ESR1: variants seen among roughly 807,000 people sequenced by gnomAD.
The protein encoded by ESR1 is estrogen receptor.
In ESR1, 12 loss-of-function variants were observed where a neutral mutation model predicts 52.7. The ratio of observed to expected loss-of-function variants is 0.23; its 90% CI spans 0.15 to 0.37. The LOEUF (loss-of-function observed/expected upper bound fraction) is 0.37, where lower values mean the gene tolerates loss of function less well. Ranked by LOEUF, ESR1 falls within the 10% of genes least tolerant of loss-of-function variation. ESR1 has a pLI of 1.00. For synonymous variants in ESR1, 305 were observed against 316.8 expected (o/e 0.96, Z 0.39); for missense variants, 584 against 779.7 (o/e 0.75, Z 2.99).
upstream of ESR1, among the ~76,000 whole-genome samples, chr6:151,686,500 A>G (rs1465058608): frequency 6.6e-6 from 1 of 152,200 alleles, no homozygotes; most frequent in Non-Finnish European, 1.5e-5. Flanking sequence ...CCCGGCTAAC[A>G]TGGTGAAACC....
intron 4 of ESR1, among the ~76,000 whole-genome samples, chr6:151,980,085 C>A (rs2128669943): frequency 6.6e-6 from 1 of 152,256 alleles, no homozygotes; most frequent in Non-Finnish European, 1.5e-5. Flanking sequence ...CAATGTACTT[C>A]TAGTTGTCAC....
At chr6:152,110,020 C>T in intron 6 of ESR1, among the ~76,000 whole-genome samples, 1 of 152,198 alleles carries the variant, frequency 6.6e-6, no homozygotes, top group African/African-American at 2.4e-5. Flanking sequence ...TTTTACACCA[C>T]TTTTTCAGGT....
chr6:151,700,713 T>C (rs1000073376), intron 1 of ESR1, among the ~76,000 whole-genome samples: 1 of 148,664 alleles, frequency 6.7e-6, no homozygotes, highest in African/African-American at 2.5e-5. Flanking sequence ...GTAAATTAGG[T>C]TCACTGTTGC....
chr6:151,899,050 G>T (rs1305223115), intron 3 of ESR1, among the ~76,000 whole-genome samples: 90 of 134,010 alleles, frequency 6.7e-4, no homozygotes, highest in South Asian at 1.2e-3. Context: ...CCTCCCTCCC[G>T]GACGGGGCGG....
intron 1 of ESR1, among the ~76,000 whole-genome samples, chr6:151,824,868 C>T (rs1415125917): frequency 2.0e-5 from 3 of 151,562 alleles, no homozygotes; most frequent in African/African-American, 7.3e-5. Context: ...TTGCAGTGAG[C>T]CAAGCTTGCA....
chr6:151,781,989 A>T (rs960567203), intron 2 of ESR1, among the ~76,000 whole-genome samples: 2 of 152,238 alleles, frequency 1.3e-5, no homozygotes, highest in African/African-American at 4.8e-5. Flanking sequence ...TAAGGACGAG[A>T]TGCACATGGG....
chr6:151,824,151 A>C (rs994965300), intron 1 of ESR1, among the ~76,000 whole-genome samples: 9 of 152,008 alleles, frequency 5.9e-5, no homozygotes, highest in African/African-American at 2.2e-4. Context: ...CTGACTTTTT[A>C]ATGATTGCCA....
intron 2 of ESR1, among the ~76,000 whole-genome samples, chr6:151,789,969 T>C (rs1246376269): frequency 6.6e-6 from 1 of 152,102 alleles, no homozygotes; most frequent in African/African-American, 2.4e-5. Context: ...TGTGTTTGAG[T>C]CTGGAAGGTG....
Position 151,880,658 on chromosome 6 carries a change from A to G in ESR1, c.647A>G (p.His216Arg), listed in dbSNP as rs768352205. Residue 216 changes from histidine to arginine, a missense_variant, in exon 3 of 8, where the codon CAT becomes CGT. Physicochemically the swap from His to Arg is conservative, Grantham distance 29 (BLOSUM62 0). Around this residue, in one of 6 missense-constraint regions of ESR1, gnomAD observed 25 missense variants for 53.0 expected, o/e 0.47. Transcript: ENST00000206249. ...TCTGTCCTCTTGCTTTTAATAGGAC[A>G]TAACGACTATATGTGTCCAGCCACC... ...KAFFKRSIQG[H>R]NDYMCPATNQ... The G allele has an allele frequency of 1.2e-5, 19 of 1,579,444 alleles. No individual in the cohort carries two copies. Among genetic ancestry groups the G allele is most frequent in the Admixed American group, 1.7e-5 (1 of 59,994 alleles).
At chr6:151,914,579 A>G (rs971204610) in intron 3 of ESR1, among the ~76,000 whole-genome samples, 1 of 152,242 alleles carries the variant, frequency 6.6e-6, no homozygotes, top group African/African-American at 2.4e-5. Context: ...TAGATATTTA[A>G]CAAATCATAC....
chr6:152,064,865 T>C (rs1184006661), intron 6 of ESR1, among the ~76,000 whole-genome samples: 1 of 152,198 alleles, frequency 6.6e-6, no homozygotes, highest in Non-Finnish European at 1.5e-5. Context: ...CATTCTGAAA[T>C]GTATCATGCT....
At chr6:151,819,319 A>G (rs1214077643) in intron 1 of ESR1, among the ~76,000 whole-genome samples, 3 of 152,140 alleles carry the variant, frequency 2.0e-5, no homozygotes, top group Admixed American at 2.0e-4. Context: ...TTATTAATGT[A>G]TAGAGCAGCA....
chr6:152,117,006 A>C (rs2051218395), intron 6 of ESR1, among the ~76,000 whole-genome samples: 1 of 152,148 alleles, frequency 6.6e-6, no homozygotes, highest in Non-Finnish European at 1.5e-5. Context: ...AAAGATGGAG[A>C]AATCCAGTGC....
At chr6:151,707,620 T>C (rs78639233) in intron 2 of ESR1, among the ~76,000 whole-genome samples, 3,112 of 152,248 alleles carry the variant, frequency 0.02, 37 homozygotes, top group East Asian at 0.032. Flanking sequence ...AGGATTGTGG[T>C]CCACCATTTA....
At chr6:151,912,136 A>T (rs1230959674) in intron 3 of ESR1, among the ~76,000 whole-genome samples, 1 of 152,234 alleles carries the variant, frequency 6.6e-6, no homozygotes, top group African/African-American at 2.4e-5. Flanking sequence ...GAATAATAGT[A>T]CTAACAACTG....
downstream of ESR1, among the ~76,000 whole-genome samples, chr6:152,106,914 T>C (rs1297612174): frequency 1.3e-5 from 2 of 152,140 alleles, no homozygotes; most frequent in African/African-American, 4.8e-5. Context: ...CCCAGCACTT[T>C]GTATATATCA....
At chr6:151,952,106 C>T (rs945380963) in intron 4 of ESR1, among the ~76,000 whole-genome samples, 4 of 151,930 alleles carry the variant, frequency 2.6e-5, no homozygotes, top group African/African-American at 9.7e-5. Flanking sequence ...CAAATACGAC[C>T]ACAAGTAAAG....
chr6:151,659,488 T>G (rs1204197460), intron 1 of ESR1, among the ~76,000 whole-genome samples: 1 of 152,228 alleles, frequency 6.6e-6, no homozygotes, highest in African/African-American at 2.4e-5. Flanking sequence ...CCAGTCCTTT[T>G]TAGCACTGAG....
At chr6:151,828,005 ATAT>A (rs1781802431) in intron 1 of ESR1, among the ~76,000 whole-genome samples, 1 of 152,242 alleles carries the variant, frequency 6.6e-6, no homozygotes, top group African/African-American at 2.4e-5. Context: ...AATTATTTAC[ATAT>A]TATGTAACTT....
Sources: allele counts gnomAD v4.1 joint callset (sites outside exome capture counted in the v4.1 genomes callset), GRCh38; gene constraint gnomAD v4.1.1; regional missense constraint gnomAD v4.1.1; transcripts MANE v1.5; gene names NCBI Gene and HGNC (gene_info 2026-07-23, HGNC 2026-07-21).